The following ST18 variants were observed in gnomAD, a reference collection of about 807,000 sequenced individuals.
The protein encoded by ST18 is ST18 C2H2C-type zinc finger transcription factor, also known as suppression of tumorigenicity 18 protein.
ST18 carries 50 observed loss-of-function variants against 110.0 expected under a neutral mutation model. That is an observed-to-expected ratio of 0.45 (90% CI 0.36 to 0.58). The LOEUF is 0.58. Among genes scored for constraint, ST18 ranks in the 20% least tolerant of loss-of-function variants. The pLI is 0.00. For synonymous variants in ST18, 461 were observed against 452.4 expected, an observed-to-expected ratio of 1.02 and a Z score of -0.24; for missense variants, 1,306 against 1,280.1, an observed-to-expected ratio of 1.02 and a Z score of -0.31.
intron 2 of ST18, among the ~76,000 whole-genome samples, chr8:52,357,632 C>T (rs1181358621): frequency 1.6e-5 from 2 of 123,688 alleles, no homozygotes; most frequent in African/African-American, 5.6e-5. Flanking sequence ...GAAGATATAA[C>T]AATTATAAAC....
intron 2 of ST18, among the ~76,000 whole-genome samples, chr8:52,270,684 T>A (rs925687089): frequency 6.6e-6 from 1 of 152,038 alleles, no homozygotes; most frequent in African/African-American, 2.4e-5. Flanking sequence ...GAAAAACGCA[T>A]CTTCCAAGAA....
chr8:52,129,451 C>CAAAAAAAA (rs34059224), intron 22 of ST18, among the ~76,000 whole-genome samples: 3 of 72,232 alleles, frequency 4.2e-5, no homozygotes, highest in African/African-American at 9.1e-5. Context: ...GAGACTCCAT[C>CAAAAAAAA]AAAAAAAAAA....
At chr8:52,384,542 C>T (rs1835806343) in intron 2 of ST18, among the ~76,000 whole-genome samples, 1 of 152,102 alleles carries the variant, frequency 6.6e-6, no homozygotes, top group Non-Finnish European at 1.5e-5. Context: ...CATGCACACA[C>T]TCCAGGCTAC....
intron 2 of ST18, among the ~76,000 whole-genome samples, chr8:52,373,247 G>C (rs1317960506): frequency 1.3e-5 from 2 of 152,016 alleles, no homozygotes; most frequent in Non-Finnish European, 2.9e-5. Context: ...CAGAGAGTAA[G>C]CCCTCCCTCC....
At chr8:52,377,513 A>C (rs2140763908) in intron 2 of ST18, among the ~76,000 whole-genome samples, 1 of 152,364 alleles carries the variant, frequency 6.6e-6, no homozygotes, top group East Asian at 1.9e-4. Flanking sequence ...GCTCAGCATC[A>C]CTAATCATCA....
intron 15 of ST18, 84 bp from the exon 16 acceptor site, chr8:52,150,061 A>G: frequency 6.7e-7 from 1 of 1,493,000 alleles, no homozygotes; most frequent in Non-Finnish European, 9.0e-7. Context: ...GGATCATTTT[A>G]AATGTAAGCT....
chr8:52,264,046 G>T (rs528358935), intron 2 of ST18, among the ~76,000 whole-genome samples: 3 of 151,988 alleles, frequency 2.0e-5, no homozygotes, highest in Non-Finnish European at 4.4e-5. Flanking sequence ...TGACCTGCCC[G>T]CCTTGGCCTC....
At chr8:52,134,278 A>G (rs2051064999) in intron 19 of ST18, among the ~76,000 whole-genome samples, 1 of 152,226 alleles carries the variant, frequency 6.6e-6, no homozygotes, top group Non-Finnish European at 1.5e-5. Flanking sequence ...GAATGAGAAA[A>G]GTGAAAGATG....
At chr8:52,399,382 C>G (rs930987364) in intron 2 of ST18, among the ~76,000 whole-genome samples, 1 of 150,696 alleles carries the variant, frequency 6.6e-6, no homozygotes, top group Non-Finnish European at 1.5e-5. Context: ...TTTCAAGGAG[C>G]CAATTCTTTG....
At chr8:52,281,791 G>T (rs1340685415) in intron 2 of ST18, among the ~76,000 whole-genome samples, 1 of 152,184 alleles carries the variant, frequency 6.6e-6, no homozygotes, top group South Asian at 2.1e-4. Flanking sequence ...AGTAACTCAG[G>T]AATGGAAAAC....
At chr8:52,353,324 A>C (rs149878232) in intron 2 of ST18, among the ~76,000 whole-genome samples, 32 of 152,374 alleles carry the variant, frequency 2.1e-4, no homozygotes, top group African/African-American at 7.7e-4. Context: ...CACTATAAAT[A>C]AATTATTTTA....
intron 7 of ST18, 88 bp downstream of exon 7, chr8:52,214,115 C>G (rs1038204766): frequency 2.0e-5 from 28 of 1,390,304 alleles, no homozygotes; most frequent in Non-Finnish European, 2.7e-5. Context: ...TGTAATCATT[C>G]TGACTGCACA....
intron 15 of ST18, chr8:52,154,462 G>C (rs115535630): frequency 6.6e-6 from 1 of 152,348 alleles, no homozygotes; most frequent in South Asian, 2.1e-4. Context: ...GCAGCGATGA[G>C]GATAAAGATA....
intron 2 of ST18, among the ~76,000 whole-genome samples, chr8:52,352,690 A>G (rs1230622281): frequency 6.6e-6 from 1 of 152,172 alleles, no homozygotes; most frequent in African/African-American, 2.4e-5. Context: ...CTCATGAAGA[A>G]GCCACTGTCC....
intron 15 of ST18, among the ~76,000 whole-genome samples, chr8:52,152,814 A>G (rs993029858): frequency 7.9e-5 from 12 of 152,332 alleles, no homozygotes; most frequent in Admixed American, 6.5e-4. Context: ...AGTGACCTAG[A>G]TGGCCGCCAA....
Position 52,136,581 on chromosome 8 carries a change from C to G in ST18, c.2300+9G>C. 1.2e-6 allele frequency: 2 copies of G among 1,607,882 alleles called. No homozygotes were observed. Among genetic ancestry groups the G allele is most frequent in the Non-Finnish European group, 1.7e-6 (2 of 1,177,452 alleles). Reference sequence around the variant, plus strand: ...TGAAGGGCAAGCCGGCCACGCTTCCCGCACTTACTTAAGCTCCTGAGAGTT... The same window carrying G: ...TGAAGGGCAAGCCGGCCACGCTTCCGGCACTTACTTAAGCTCCTGAGAGTT... On this transcript the variant is annotated intron_variant, in intron 19 of 25. Coordinates refer to ENST00000689386, the MANE Select transcript of ST18 (RefSeq NM_001352837.2).
At chr8:52,346,275 A>G (rs1196936134) in intron 2 of ST18, among the ~76,000 whole-genome samples, 1 of 151,374 alleles carries the variant, frequency 6.6e-6, no homozygotes, top group Non-Finnish European at 1.5e-5. Context: ...AAATTTGAAG[A>G]GAAGCCCTAA....
rs75331984 is a variant in ST18 at position 52,123,870 on chromosome 8, G to A, written c.2755+2182C>T. Among the ~76,000 whole-genome samples the A allele has an allele frequency of 8.0e-4, 122 of 152,272 alleles. 2 individuals carry two copies. In the East Asian group the frequency reaches 0.022, roughly 27 times the overall value. On this transcript the variant is annotated intron_variant, in intron 23 of 25. Transcript: ENST00000689386. ...GACTGTTCTGTATTTATCTTTCTTA[G>A]GAGTGGCCTTGTAATTTATATTCTG... is the stretch of plus-strand genomic sequence containing the variant.
intron 4 of ST18, 47 bp downstream of exon 4, chr8:52,221,593 A>G (rs1213432967): frequency 1.3e-5 from 2 of 152,224 alleles, no homozygotes. Context: ...CACATTTAAA[A>G]TGTTTATGTC....
Sources: gnomAD v4.1 joint callset for allele counts (sites outside exome capture counted in the v4.1 genomes callset) on GRCh38, gnomAD v4.1.1 for gene constraint, MANE v1.5 for transcripts, NCBI Gene and HGNC (gene_info 2026-07-23, HGNC 2026-07-21) for gene names.